CTNNB1: variants seen among roughly 807,000 people sequenced by gnomAD.
CTNNB1 encodes catenin beta 1.
In CTNNB1, 6 loss-of-function variants were observed where a neutral mutation model predicts 82.5. The ratio of observed to expected loss-of-function variants is 0.07; its 90% CI spans 0.04 to 0.14. The LOEUF (loss-of-function observed/expected upper bound fraction) is 0.14, where lower values mean the gene tolerates loss of function less well. CTNNB1 is among the 10% of genes least tolerant of loss of function. The probability of loss-of-function intolerance (pLI) is 1.00; values close to 1 mark genes in which losing one functional copy is unlikely to be tolerated. For missense variants in CTNNB1, 529 were observed against 980.4 expected (o/e 0.54, Z 6.15); for synonymous variants, 312 against 329.7 (o/e 0.95, Z 0.58).
chr3:41,220,744 A>G (rs1440514342), intron 1 of CTNNB1: 1 of 152,214 alleles, frequency 6.6e-6, no homozygotes, highest in Admixed American at 6.5e-5. Flanking sequence ...GGAAAAGTGA[A>G]TTATGAATTG....
Position 41,236,399 on chromosome 3 carries a change from C to T in CTNNB1, c.1854C>T (p.Leu618=), listed in dbSNP as rs757118051. Residue 618 remains leucine (L), a synonymous_variant, in exon 12 of 15, where the codon CTC becomes CTT. Coordinates refer to ENST00000349496, the MANE Select transcript of CTNNB1 (RefSeq NM_001904.4). ...TCCAAAGAGTAGCTGCAGGGGTCCT[C>T]TGTGAACTTGCTCAGGACAAGGAAG... ...ENIQRVAAGV[L]CELAQDKEAA... 6.2e-7 allele frequency: 1 copy of T among 1,614,184 alleles called. No homozygotes were observed. The highest frequency in any genetic ancestry group is 1.1e-5 in the South Asian group (1 of 91,082).
intron 1 of CTNNB1, among the ~76,000 whole-genome samples, chr3:41,206,436 A>T (rs1441403034): frequency 6.6e-6 from 1 of 152,138 alleles, no homozygotes; most frequent in Non-Finnish European, 1.5e-5. Flanking sequence ...TATATATAGC[A>T]TACCTTATTG....
intron 1 of CTNNB1, among the ~76,000 whole-genome samples, chr3:41,219,395 A>G (rs1014368048): frequency 2.0e-5 from 3 of 152,212 alleles, no homozygotes; most frequent in African/African-American, 4.8e-5. Context: ...ATTATATTCT[A>G]AGACATCCAG....
rs1297418045 is a variant in CTNNB1, at chr3:41,223,902, AAG to A, written c.-48-116_-48-115del. On this transcript the variant is annotated intron_variant, in intron 1 of 14. Transcript: ENST00000349496. The stretch of plus-strand genomic sequence containing the variant: ...GGTCTGCGTTTCACTAACCTGGTAA[AAG>A]AGGATATGGGTTTTTTTTGTGGGTG... 14 of 712,584 alleles carry A rather than the reference AAG, an allele frequency of 2.0e-5. No individual in the cohort carries two copies. In the African/African-American group the frequency reaches 2.1e-4, roughly 11 times the overall value. 44.1% of individuals were successfully genotyped at this position (712,584 alleles called of 1,614,324 possible).
At position 41,224,666 on chromosome 3, in the gene CTNNB1, C is replaced by A; in HGVS notation, c.154C>A (p.Pro52Thr). The change falls in exon 3 of 15, where the codon CCT (proline) becomes ACT (threonine). Residue 52 changes from proline to threonine, a missense_variant. Pro to Thr is a conservative substitution (Grantham distance 38, BLOSUM62 -1). This residue lies in a region of CTNNB1 where 411 missense variants were observed against 776.4 expected (regional missense o/e 0.53). Coordinates refer to ENST00000349496, the MANE Select transcript of CTNNB1 (RefSeq NM_001904.4). ...TAPSLSGKGNPEEEDVDTSQV... is the reference protein window; with the variant it reads ...TAPSLSGKGNTEEEDVDTSQV... ...TCCTTCTCTGAGTGGTAAAGGCAAT[C>A]CTGAGGAAGAGGATGTGGATACCTC... 6.2e-7 allele frequency: 1 copy of A among 1,613,922 alleles called. No homozygotes were observed. Among genetic ancestry groups the A allele is most frequent in the Non-Finnish European group, 8.5e-7 (1 of 1,179,968 alleles).
At chr3:41,203,520 A>C (rs1049233805) in intron 1 of CTNNB1, among the ~76,000 whole-genome samples, 2 of 152,204 alleles carry the variant, frequency 1.3e-5, no homozygotes, top group African/African-American at 4.8e-5. Flanking sequence ...CAGCAACTGA[A>C]ATTCTCAGAA....
chr3:41,236,085 C>T lies in CTNNB1; in HGVS notation c.1803+242C>T, dbSNP rs1443323521. The T allele has an allele frequency of 1.2e-5, 8 of 678,050 alleles. No homozygotes were observed. In the African/African-American group the frequency reaches 1.3e-4, roughly 11 times the overall value. The allele number at this position is 678,050 out of a possible 1,614,324, so 42.0% of individuals were successfully genotyped here. A position where few individuals can be genotyped will look rare whatever the true frequency, so the allele number is the denominator to read the frequency against. The stretch of plus-strand genomic sequence containing the variant: ...CTGACCTGGGCTGCCAGAGGCAGGG[C>T]ATAGACCCCCAACCAATTCTGGGTT... On this transcript the variant is annotated intron_variant, in intron 11 of 14. Transcript: ENST00000349496.
At chr3:41,235,686 G>A (rs751301263) in intron 10 of CTNNB1, 38 bp from the exon 11 acceptor site, 2 of 1,613,906 alleles carry the variant, frequency 1.2e-6, no homozygotes, top group East Asian at 4.5e-5. Context: ...CTTTACAGAG[G>A]AGAATGCCCT....
intron 11 of CTNNB1, chr3:41,236,098 C>G (rs1212858510): frequency 1.5e-6 from 1 of 685,452 alleles, no homozygotes; most frequent in Non-Finnish European, 2.4e-6. Context: ...AGACCCCCAA[C>G]CAATTCTGGG....
chr3:41,229,741 C>T (rs747941677), intron 7 of CTNNB1, among the ~76,000 whole-genome samples: 5 of 151,990 alleles, frequency 3.3e-5, no homozygotes, highest in Admixed American at 6.6e-5. Context: ...GAATAGATGT[C>T]GTCTAAGTAT....
intron 1 of CTNNB1, among the ~76,000 whole-genome samples, chr3:41,223,554 A>G (rs952119825): frequency 3.3e-5 from 5 of 152,140 alleles, no homozygotes; most frequent in Admixed American, 2.0e-4. Flanking sequence ...TGATGGCACT[A>G]TATCAGAAAA....
Position 41,235,814 on chromosome 3 carries a change from G to C in CTNNB1, c.1774G>C (p.Gly592Arg), listed in dbSNP as rs2125644975. 6.2e-7 allele frequency: 1 copy of C among 1,614,042 alleles called. No homozygotes were observed. The highest frequency in any genetic ancestry group is 8.5e-7 in the Non-Finnish European group (1 of 1,179,968). ...RDVHNRIVIR[G>R]LNTIPLFVQL... Reference sequence around the variant, plus strand: ...TGTTCACAACCGAATTGTTATCAGAGGACTAAATACCATTCCATTGTTTGT... The same window carrying C: ...TGTTCACAACCGAATTGTTATCAGACGACTAAATACCATTCCATTGTTTGT... The change falls in exon 11 of 15, where the codon GGA becomes CGA. Residue 592 changes from glycine (G) to arginine (R), a missense_variant. Transcript: ENST00000349496.
intron 1 of CTNNB1, among the ~76,000 whole-genome samples, chr3:41,202,042 C>T (rs946309615): frequency 2.0e-5 from 3 of 151,788 alleles, no homozygotes; most frequent in Admixed American, 2.0e-4. Context: ...TGGGGAGAGG[C>T]GCATGCTAAG....
rs1474831129 is a variant in CTNNB1 at position 41,239,940 on chromosome 3, TAAGAATATCTG to T, written c.*599_*609del. 1 of 188,114 alleles carries T rather than the reference TAAGAATATCTG, an allele frequency of 5.3e-6. No individual in the cohort carries two copies. Among genetic ancestry groups the T allele is most frequent in the Admixed American group, 6.3e-5 (1 of 15,886 alleles). The allele number at this position is 188,114 out of a possible 1,614,324, so 11.7% of individuals were successfully genotyped here. A position where few individuals can be genotyped will look rare whatever the true frequency, so the allele number is the denominator to read the frequency against. On this transcript the variant is annotated 3_prime_UTR_variant, in exon 15 of 15. Transcript: ENST00000349496. The stretch of plus-strand genomic sequence containing the variant: ...TGTTAAATTTTTTTTTTTTTTTTTT[TAAGAATATCTG>T]TAATGGTACTGACTTTGCTTGCTTT...
In CTNNB1 at chr3:41,239,234, T is replaced by A. The variant is rs2125653592; in HGVS notation, c.2238T>A (p.Ala746=). The change falls in exon 15 of 15, where the codon GCT becomes GCA. Residue 746 remains alanine, a synonymous_variant. Transcript: ENST00000349496. ...AGATGGGTGGCCACCACCCTGGTGCTGACTATCCAGTTGATGGGCTGCCAG... is the reference window on the plus strand; with the variant it reads ...AGATGGGTGGCCACCACCCTGGTGCAGACTATCCAGTTGATGGGCTGCCAG... ...EHEMGGHHPG[A]DYPVDGLPDL... is the part of the protein sequence containing the mutation. The A allele has an allele frequency of 6.2e-7, 1 of 1,614,240 alleles. No homozygotes were observed. Among genetic ancestry groups the A allele is most frequent in the South Asian group, 1.1e-5 (1 of 91,090 alleles).
At chr3:41,228,229 A>G (rs1443588903) in intron 7 of CTNNB1, among the ~76,000 whole-genome samples, 1 of 152,212 alleles carries the variant, frequency 6.6e-6, no homozygotes, top group African/African-American at 2.4e-5. Context: ...TTCTTTGGGC[A>G]TATACCTAAT....
intron 7 of CTNNB1, among the ~76,000 whole-genome samples, chr3:41,229,283 G>T (rs1346863379): frequency 6.6e-6 from 1 of 152,020 alleles, no homozygotes. Context: ...TTGAATCTGT[G>T]AATTGCTTTG....
intron 7 of CTNNB1, among the ~76,000 whole-genome samples, chr3:41,232,382 A>G (rs993977356): frequency 6.6e-6 from 1 of 152,206 alleles, no homozygotes; most frequent in Non-Finnish European, 1.5e-5. Context: ...GGAACCCAAC[A>G]GAGGTGATCT....
Position 41,203,588 on chromosome 3 carries a change from A to G in CTNNB1, c.-49+3918A>G, listed in dbSNP as rs556834967. On this transcript the variant is annotated intron_variant, in intron 1 of 14. Coordinates refer to ENST00000349496, the MANE Select transcript of CTNNB1 (RefSeq NM_001904.4). ...TCTAAAATCATTCACAGAGTAAAAC[A>G]TAAGTGCTCAACTTGATTATATTAG... is the stretch of plus-strand genomic sequence containing the variant. Among the ~76,000 whole-genome samples, 3 of 152,316 alleles carry G rather than the reference A, an allele frequency of 2.0e-5. No individual in the cohort carries two copies. In the East Asian group the frequency reaches 5.8e-4, roughly 29 times the overall value.
Sources: allele counts gnomAD v4.1 joint callset (sites outside exome capture counted in the v4.1 genomes callset), GRCh38; gene constraint gnomAD v4.1.1; regional missense constraint gnomAD v4.1.1; transcripts MANE v1.5; gene names NCBI Gene and HGNC (gene_info 2026-07-23, HGNC 2026-07-21).